The following PITPNC1 variants were observed in gnomAD, a reference collection of about 807,000 sequenced individuals.
The protein encoded by PITPNC1 is phosphatidylinositol transfer protein cytoplasmic 1, also known as cytoplasmic phosphatidylinositol transfer protein 1.
PITPNC1 carries 18 observed loss-of-function variants against 44.7 expected under a neutral mutation model. The observed-to-expected ratio is 0.40, with a 90% CI of 0.28 to 0.60. The LOEUF (loss-of-function observed/expected upper bound fraction) is 0.60, where lower values mean the gene tolerates loss of function less well. PITPNC1 is among the 20% of genes least tolerant of loss of function. PITPNC1 has a pLI of 0.39. For synonymous variants in PITPNC1, 141 were observed against 149.6 expected (o/e 0.94, Z 0.42); for missense variants, 290 against 418.4 (o/e 0.69, Z 2.68).
intron 1 of PITPNC1, among the ~76,000 whole-genome samples, chr17:67,385,639 A>G (rs1318408824): frequency 6.6e-6 from 1 of 152,174 alleles, no homozygotes; most frequent in Admixed American, 6.5e-5. Flanking sequence ...CCGCGGCTTC[A>G]TTCTTGAAGT....
chr17:67,649,125 G>C (rs1398447810), intron 6 of PITPNC1, among the ~76,000 whole-genome samples: 1 of 152,200 alleles, frequency 6.6e-6, no homozygotes, highest in Admixed American at 6.5e-5. Context: ...CTGCACTCCA[G>C]CCTGGGTGAC....
At position 67,460,803 on chromosome 17, in the gene PITPNC1, G is replaced by A. The variant is rs766882031; in HGVS notation, c.49-71999G>A. On this transcript the variant is annotated intron_variant, in intron 1 of 8. Transcript: ENST00000581322. ...TCTGTCACCCAGGCTGGAATGCAGCGGCGCGACGGTGGCTCACTGCAACCT... is the reference window on the plus strand; with the variant it reads ...TCTGTCACCCAGGCTGGAATGCAGCAGCGCGACGGTGGCTCACTGCAACCT... Among the ~76,000 whole-genome samples, 47 of 146,976 alleles carry A rather than the reference G, an allele frequency of 3.2e-4. 1 individual carries two copies. The highest frequency in any genetic ancestry group is 4.2e-4 in the Non-Finnish European group (28 of 67,344).
intron 1 of PITPNC1, among the ~76,000 whole-genome samples, chr17:67,441,282 C>G (rs144622444): frequency 1.3e-5 from 2 of 149,468 alleles, no homozygotes; most frequent in East Asian, 2.0e-4. Flanking sequence ...ATTAAGCCCC[C>G]CCCCGCCACC....
chr17:67,406,994 A>G (rs2038410943), intron 1 of PITPNC1, among the ~76,000 whole-genome samples: 1 of 152,356 alleles, frequency 6.6e-6, no homozygotes, highest in Middle Eastern at 3.4e-3. Context: ...GCTTTTATTT[A>G]ACCACTTGCT....
intron 1 of PITPNC1, among the ~76,000 whole-genome samples, chr17:67,379,914 CT>C (rs1466197467): frequency 2.0e-5 from 3 of 152,126 alleles, no homozygotes; most frequent in Non-Finnish European, 4.4e-5. Context: ...TCTCTTTATC[CT>C]AGTTGGTTCC....
intron 6 of PITPNC1, among the ~76,000 whole-genome samples, chr17:67,633,734 G>A (rs2041997999): frequency 6.6e-6 from 1 of 152,280 alleles, no homozygotes; most frequent in African/African-American, 2.4e-5. Flanking sequence ...AAGTCCGCCA[G>A]TGCTTAATGG....
intron 1 of PITPNC1, among the ~76,000 whole-genome samples, chr17:67,441,284 C>A (rs954251954): frequency 6.0e-5 from 9 of 150,470 alleles, no homozygotes; most frequent in South Asian, 4.3e-4. Flanking sequence ...TAAGCCCCCC[C>A]CCGCCACCCA....
chr17:67,583,325 C>T, intron 5 of PITPNC1, among the ~76,000 whole-genome samples: 1 of 152,074 alleles, frequency 6.6e-6, no homozygotes, highest in Non-Finnish European at 1.5e-5. Flanking sequence ...GGGTGGCTCA[C>T]ACCTGTAATC....
At position 67,483,791 on chromosome 17, in the gene PITPNC1, A is replaced by T. The variant is rs947553358; in HGVS notation, c.49-49011A>T. Among the ~76,000 whole-genome samples, 37 of 152,220 alleles carry T rather than the reference A, an allele frequency of 2.4e-4. 1 individual carries two copies. The highest frequency in any genetic ancestry group is 2.4e-3 in the Admixed American group (37 of 15,278). ...ACTTAAGTTTTTCTACCTGAAAAACATATAGCTCTTAAATTTCAAAATACA... is the reference window on the plus strand; with the variant it reads ...ACTTAAGTTTTTCTACCTGAAAAACTTATAGCTCTTAAATTTCAAAATACA... On this transcript the variant is annotated intron_variant, in intron 1 of 8. Transcript: ENST00000581322.
chr17:67,622,852 C>A (rs2041850662), intron 5 of PITPNC1, among the ~76,000 whole-genome samples: 1 of 151,288 alleles, frequency 6.6e-6, no homozygotes, highest in South Asian at 2.1e-4. Flanking sequence ...GGTGACAGAG[C>A]AAGACTCTGT....
At chr17:67,655,874 G>C (rs952132658) in intron 6 of PITPNC1, among the ~76,000 whole-genome samples, 1 of 152,120 alleles carries the variant, frequency 6.6e-6, no homozygotes, top group Admixed American at 6.5e-5. Context: ...AGGCTGCAGT[G>C]AGCTGTGATG....
chr17:67,637,299 A>AAT (rs530067721), intron 6 of PITPNC1, among the ~76,000 whole-genome samples: 26 of 151,158 alleles, frequency 1.7e-4, no homozygotes, highest in Non-Finnish European at 3.7e-4. Flanking sequence ...TTTTTTTTTT[A>AAT]ATCGGAGGCA....
chr17:67,567,843 G>A (rs193135915), intron 4 of PITPNC1, among the ~76,000 whole-genome samples: 3 of 152,134 alleles, frequency 2.0e-5, no homozygotes, highest in East Asian at 3.9e-4. Flanking sequence ...TATGGTGGCA[G>A]GTGCCTGTAA....
chr17:67,591,263 A>C (rs1231750947), intron 5 of PITPNC1, among the ~76,000 whole-genome samples: 1 of 152,222 alleles, frequency 6.6e-6, no homozygotes, highest in African/African-American at 2.4e-5. Flanking sequence ...AAGACAAAGA[A>C]AGGCTGATGA....
chr17:67,394,898 GAA>G (rs112104394), intron 1 of PITPNC1, among the ~76,000 whole-genome samples: 2 of 141,068 alleles, frequency 1.4e-5, no homozygotes, highest in East Asian at 2.0e-4. Flanking sequence ...CCGTCTCGAG[GAA>G]AAAAAAAAAA....
At chr17:67,552,440 G>T (rs2040779367) in intron 3 of PITPNC1, 95 bp downstream of exon 3, 1 of 770,448 alleles carries the variant, frequency 1.3e-6, no homozygotes, top group South Asian at 1.5e-5. Flanking sequence ...TCCAAGCAGG[G>T]CCTTGTGGGA....
intron 1 of PITPNC1, among the ~76,000 whole-genome samples, chr17:67,481,707 G>A (rs567679681): frequency 1.7e-3 from 255 of 151,584 alleles, no homozygotes; most frequent in Non-Finnish European, 2.7e-3. Context: ...TTGATTCGAT[G>A]TCTTCAGAGG....
chr17:67,605,606 G>A (rs532785883), intron 5 of PITPNC1, among the ~76,000 whole-genome samples: 1 of 152,304 alleles, frequency 6.6e-6, no homozygotes, highest in South Asian at 2.1e-4. Flanking sequence ...TTAGTTGTAA[G>A]TAAAAAGAGT....
chr17:67,535,082 C>G (rs1673052641), intron 2 of PITPNC1, among the ~76,000 whole-genome samples: 1 of 152,172 alleles, frequency 6.6e-6, no homozygotes, highest in Non-Finnish European at 1.5e-5. Context: ...TTAATTTGCC[C>G]AGAGATGCAG....
Sources: gnomAD v4.1 joint callset for allele counts (sites outside exome capture counted in the v4.1 genomes callset) on GRCh38, gnomAD v4.1.1 for gene constraint, MANE v1.5 for transcripts, NCBI Gene and HGNC (gene_info 2026-07-23, HGNC 2026-07-21) for gene names.